The following CHRNE variants were observed in gnomAD, a reference collection of about 807,000 sequenced individuals.
The protein encoded by CHRNE is acetylcholine receptor subunit epsilon.
A neutral mutation model predicts 56.5 loss-of-function variants in CHRNE; 58 were observed. The ratio of observed to expected loss-of-function variants is 1.03; its 90% CI spans 0.83 to 1.28. CHRNE has a LOEUF of 1.28. Among genes scored for constraint, CHRNE ranks in the 50% most tolerant of loss-of-function variants. CHRNE has a pLI of 0.00. For missense variants in CHRNE, 793 were observed against 688.9 expected (o/e 1.15, Z -1.69); for synonymous variants, 385 against 297.9 (o/e 1.29, Z -3.01).
Position 4,902,196 on chromosome 17 carries a change from G to T in CHRNE, c.344+21C>A, listed in dbSNP as rs1970014175. On this transcript the variant is annotated intron_variant, in intron 4 of 11. Coordinates refer to ENST00000649488, the MANE Select transcript of CHRNE (RefSeq NM_000080.4). This position sits in a 1 kb window ranked among gnomAD's most constrained non-coding sequence, Gnocchi z 4.0. ...CCCCAGGCCGGCTTCCCTCCAGCCT[G>T]GCGTCTGGCCCGGTTCTCACTTGTT... 1 of 1,613,892 alleles carries T rather than the reference G, an allele frequency of 6.2e-7. No homozygotes were observed. The highest frequency in any genetic ancestry group is 1.1e-5 in the South Asian group (1 of 91,090).
intron 6 of CHRNE, 32 bp from the exon 7 acceptor site, chr17:4,901,222 C>A: frequency 6.3e-7 from 1 of 1,590,116 alleles, no homozygotes; most frequent in Non-Finnish European, 8.5e-7. Flanking sequence ...AGCTGGCTGT[C>A]AGAGCGGGGC....
Position 4,902,387 on chromosome 17 carries a change from G to C in CHRNE, c.235-61C>G. On this transcript the variant is annotated intron_variant, in intron 3 of 11. Transcript: ENST00000649488. The surrounding 1 kb of genome is among the most constrained non-coding windows in gnomAD (Gnocchi z 4.0). ...ATCTCCCACCTGGCGCTGCCTGGGA[G>C]GGGTTTGGGGGAAAAGGGGTGCCCT... 1.9e-6 allele frequency: 3 copies of C among 1,613,762 alleles called. No homozygotes were observed. The highest frequency in any genetic ancestry group is 2.5e-6 in the Non-Finnish European group (3 of 1,179,636).
At chr17:4,900,569 C>T (rs1019398391) in intron 8 of CHRNE, 25 of 1,549,458 alleles carry the variant, frequency 1.6e-5, no homozygotes, top group Non-Finnish European at 2.1e-5. Flanking sequence ...GGCACTGAGC[C>T]GGACTGTCCC....
chr17:4,899,279 G>C lies in CHRNE; in HGVS notation c.1138C>G (p.Arg380Gly), dbSNP rs376093621. 6.2e-7 allele frequency: 1 copy of C among 1,600,352 alleles called. No homozygotes were observed. The highest frequency in any genetic ancestry group is 2.2e-5 in the East Asian group (1 of 44,536). ...TTTTTCAGTATCAGCTCCTCCGCGC[G>C]GAGCAATAAGCCCACCGACGACGCC... is the stretch of plus-strand genomic sequence containing the variant. ...RRASSVGLLL[R>G]AEELILKKPR... The change falls in exon 10 of 12, where the codon CGC (arginine) becomes GGC (glycine). Residue 380 changes from arginine to glycine, a missense_variant. Physicochemically the swap from Arg to Gly is moderately radical, Grantham distance 125 (BLOSUM62 -2). Coordinates refer to ENST00000649488, the MANE Select transcript of CHRNE (RefSeq NM_000080.4).
At position 4,899,376 on chromosome 17, in the gene CHRNE, CAGG is replaced by C. The variant is rs1969865191; in HGVS notation, c.1038_1040del (p.Leu347del). 2 of 1,533,732 alleles carry C rather than the reference CAGG, an allele frequency of 1.3e-6. No homozygotes were observed. The highest frequency in any genetic ancestry group is 1.7e-6 in the Non-Finnish European group (2 of 1,144,838). The stretch of plus-strand genomic sequence containing the variant: ...AGCCCAGGAGGCGCGGCAGCAGCTC[CAGG>C]AGAACCTGGGGCAGGGGCGGGGCTT... On this transcript the variant is annotated inframe_deletion, in exon 10 of 12. Coordinates refer to ENST00000649488, the MANE Select transcript of CHRNE (RefSeq NM_000080.4).
At position 4,899,286 on chromosome 17, in the gene CHRNE, T is replaced by C; in HGVS notation, c.1131A>G (p.Leu377=). 6.3e-7 allele frequency: 1 copy of C among 1,599,084 alleles called. No homozygotes were observed. Among genetic ancestry groups the C allele is most frequent in the Non-Finnish European group, 8.5e-7 (1 of 1,177,844 alleles). The change falls in exon 10 of 12, where the codon TTA becomes TTG. Residue 377 remains leucine, a synonymous_variant. Coordinates refer to ENST00000649488, the MANE Select transcript of CHRNE (RefSeq NM_000080.4). ...GTATCAGCTCCTCCGCGCGGAGCAA[T>C]AAGCCCACCGACGACGCCCGCCTTG... is the stretch of plus-strand genomic sequence containing the variant. ...SPPRRASSVG[L]LLRAEELILK...
At chr17:4,899,665 TCTC>T (rs1597615850) in intron 8 of CHRNE, 83 bp from the exon 9 acceptor site, 4 of 1,445,826 alleles carry the variant, frequency 2.8e-6, no homozygotes, top group Non-Finnish European at 3.8e-6. Flanking sequence ...AAACACGGCT[TCTC>T]CTGGTACGGG....
In CHRNE at chr17:4,900,376, C is replaced by T. The variant is rs977034380; in HGVS notation, c.917+417G>A. 5.8e-6 allele frequency: 9 copies of T among 1,549,306 alleles called. No individual in the cohort carries two copies. The African/African-American group carries it at 1.2e-4, about 21-fold the overall frequency. ...CAGGGGGTTCGGCAAGCTGGGGCTG[C>T]GGTGGGCGCCAGCGCCCGGCTCCTA... is the stretch of plus-strand genomic sequence containing the variant. On this transcript the variant is annotated intron_variant, in intron 8 of 11. Transcript: ENST00000649488.
chr17:4,903,057 T>C lies in CHRNE; in HGVS notation c.7A>G (p.Arg3Gly), dbSNP rs201118080. MA[R>G]APLGVLLLLG... ...AGGAGCAGGACCCCAAGCGGAGCCCTTGCCATCCTGCTGCGTGGTTCTCAG... is the reference window on the plus strand; with the variant it reads ...AGGAGCAGGACCCCAAGCGGAGCCCCTGCCATCCTGCTGCGTGGTTCTCAG... Residue 3 changes from arginine to glycine, a missense_variant, in exon 1 of 12, where the codon AGG becomes GGG. Physicochemically the swap from Arg to Gly is moderately radical, Grantham distance 125. Transcript: ENST00000649488. 3.7e-6 allele frequency: 6 copies of C among 1,613,894 alleles called. No homozygotes were observed. Among genetic ancestry groups the C allele is most frequent in the Non-Finnish European group, 5.1e-6 (6 of 1,179,988 alleles).
Position 4,901,527 on chromosome 17 carries a change from G to A in CHRNE, c.599C>T (p.Thr200Ile). Reference protein sequence around the residue: ...NKIDIDTEAYTENGEWAIDFC... With the variant: ...NKIDIDTEAYIENGEWAIDFC... ...TTCTGAGCAGGCAGGGGCTTCACCAGTATAGGCCTCTGTGTCGATGTCGAT... is the reference window on the plus strand; with the variant it reads ...TTCTGAGCAGGCAGGGGCTTCACCAATATAGGCCTCTGTGTCGATGTCGAT... The change falls in exon 6 of 12, where the codon ACT (threonine) becomes ATT (isoleucine). Residue 200 changes from threonine (T) to isoleucine (I), a missense_variant and splice_region_variant. By Grantham distance (89) the Thr-to-Ile change is moderately conservative (BLOSUM62 -1). Coordinates refer to ENST00000649488, the MANE Select transcript of CHRNE (RefSeq NM_000080.4). 2 of 1,614,032 alleles carry A rather than the reference G, an allele frequency of 1.2e-6. No individual in the cohort carries two copies. The highest frequency in any genetic ancestry group is 1.3e-5 in the African/African-American group (1 of 75,040).
chr17:4,900,096 T>C, intron 8 of CHRNE: 3 of 1,550,778 alleles, frequency 1.9e-6, no homozygotes, highest in South Asian at 1.2e-5. Context: ...GGGCTGGTGT[T>C]GAGAGAAGCC....
intron 5 of CHRNE, 41 bp downstream of exon 5, chr17:4,901,891 C>CCCCG (rs367599263): frequency 8.1e-6 from 13 of 1,606,302 alleles, no homozygotes; most frequent in Middle Eastern, 2.0e-4. Flanking sequence ...AAGGCCCCCC[C>CCCCG]CCAACAATAA....
At chr17:4,900,403 T>G in intron 8 of CHRNE, 1 of 1,550,730 alleles carries the variant, frequency 6.4e-7, no homozygotes, top group Non-Finnish European at 8.7e-7. Flanking sequence ...CGGCTCCTAG[T>G]CCAGGGAGCA....
chr17:4,907,590 A>AAAAAAAAAT (rs386627263), upstream of CHRNE, among the ~76,000 whole-genome samples: 4 of 125,016 alleles, frequency 3.2e-5, no homozygotes, highest in Non-Finnish European at 3.4e-5. Flanking sequence ...AAAAAAAAAA[A>AAAAAAAAAT]CACTCTCAGC....
At position 4,900,219 on chromosome 17, in the gene CHRNE, C is replaced by G. The variant is rs547578569; in HGVS notation, c.917+574G>C. On this transcript the variant is annotated intron_variant, in intron 8 of 11. Transcript: ENST00000649488. ...AAGGACCTCTGCCTCCCCGCTAACC[C>G]CTGTGCCCCCAATGCAGATCTCAGC... The G allele has an allele frequency of 3.2e-6, 5 of 1,545,854 alleles. No individual in the cohort carries two copies. In the South Asian group the frequency reaches 4.8e-5, roughly 15 times the overall value.
rs1384258026 is a variant in CHRNE, at chr17:4,899,363, G to A, written c.1054C>T (p.Arg352Cys). 5 of 1,534,524 alleles carry A rather than the reference G, an allele frequency of 3.3e-6. No homozygotes were observed. The highest frequency in any genetic ancestry group is 2.4e-5 in the South Asian group (2 of 83,796). ...GGCGGCGGCGGGGAGCCCAGGAGGCGCGGCAGCAGCTCCAGGAGAACCTGG... is the reference window on the plus strand; with the variant it reads ...GGCGGCGGCGGGGAGCCCAGGAGGCACGGCAGCAGCTCCAGGAGAACCTGG... ...LRHVLLELLPRLLGSPPPPEA... is the reference protein window; with the variant it reads ...LRHVLLELLPCLLGSPPPPEA... The change falls in exon 10 of 12, where the codon CGC becomes TGC. Residue 352 changes from arginine (R) to cysteine (C), a missense_variant. Physicochemically the swap from Arg to Cys is radical, Grantham distance 180 (BLOSUM62 -3). Coordinates refer to ENST00000649488, the MANE Select transcript of CHRNE (RefSeq NM_000080.4).
At position 4,901,181 on chromosome 17, in the gene CHRNE, T is replaced by C; in HGVS notation, c.611A>G (p.Glu204Gly). ...CCCCGGGCAGAAGTCGATGGCCCAC[T>C]CGCCGTTCTCTGCGGGACGGGGGCA... is the stretch of plus-strand genomic sequence containing the variant. ...IDTEAYTENG[E>G]WAIDFCPGVI... The change falls in exon 7 of 12, where the codon GAG becomes GGG. Residue 204 changes from glutamate to glycine, a missense_variant. Coordinates refer to ENST00000649488, the MANE Select transcript of CHRNE (RefSeq NM_000080.4). 1 of 1,604,724 alleles carries C rather than the reference T, an allele frequency of 6.2e-7. No individual in the cohort carries two copies. The highest frequency in any genetic ancestry group is 8.5e-7 in the Non-Finnish European group (1 of 1,179,020).
upstream of CHRNE, among the ~76,000 whole-genome samples, chr17:4,907,391 G>A (rs552141025): frequency 1.2e-3 from 188 of 151,596 alleles, no homozygotes; most frequent in Non-Finnish European, 1.6e-3. Context: ...GTGAAACCCC[G>A]TGTCTACTAA....
At chr17:4,906,211 A>G (rs985072506), upstream of CHRNE, among the ~76,000 whole-genome samples, 11 of 152,194 alleles carry the variant, frequency 7.2e-5, no homozygotes, top group South Asian at 6.2e-4. Context: ...CTGAAGAAGG[A>G]TCATGGGGTT....
Sources: gnomAD v4.1 joint callset for allele counts (sites outside exome capture counted in the v4.1 genomes callset) on GRCh38, gnomAD v4.1.1 for gene constraint, Gnocchi (gnomAD v3.1) non-coding constraint, MANE v1.5 for transcripts, NCBI Gene and HGNC (gene_info 2026-07-23, HGNC 2026-07-21) for gene names.